Variants in SP140L observed in about 807,000 individuals in gnomAD.
The protein encoded by SP140L is SP140 like nuclear body protein, also known as nuclear body protein SP140-like protein.
In SP140L, 64 loss-of-function variants were observed where a neutral mutation model predicts 84.3. That is an observed-to-expected ratio of 0.76 (90% CI 0.62 to 0.94). The LOEUF (loss-of-function observed/expected upper bound fraction) is 0.94, where lower values mean the gene tolerates loss of function less well. Ranked by LOEUF, SP140L falls within the 40% of genes least tolerant of loss-of-function variation. The probability of loss-of-function intolerance (pLI) is 0.00; values close to 1 mark genes in which losing one functional copy is unlikely to be tolerated. For synonymous variants in SP140L, 242 were observed against 236.9 expected (o/e 1.02, Z -0.20); for missense variants, 628 against 692.5 (o/e 0.91, Z 1.05).
chr2:230,365,460 G>A (rs1241822058), intron 5 of SP140L, among the ~76,000 whole-genome samples: 1 of 151,786 alleles, frequency 6.6e-6, no homozygotes, highest in African/African-American at 2.4e-5. Flanking sequence ...ATGGTCCTTT[G>A]TATGTCTGTA....
chr2:230,334,715 G>GTATA (rs781403143), intron 2 of SP140L, among the ~76,000 whole-genome samples: 12 of 149,690 alleles, frequency 8.0e-5, no homozygotes, highest in South Asian at 4.2e-4. Context: ...AAAATTATAT[G>GTATA]TATATATATA....
At chr2:230,399,654 C>A (rs1274325284) in intron 14 of SP140L, among the ~76,000 whole-genome samples, 2 of 152,180 alleles carry the variant, frequency 1.3e-5, no homozygotes, top group Admixed American at 6.5e-5. Context: ...TAACTAGGCC[C>A]TGTCTTCAAC....
At chr2:230,343,128 GT>G (rs1238949903) in intron 2 of SP140L, among the ~76,000 whole-genome samples, 2 of 117,850 alleles carry the variant, frequency 1.7e-5, no homozygotes, top group Admixed American at 8.5e-5. Flanking sequence ...TGTGCAGGAT[GT>G]GCAGGTTTGT....
intron 2 of SP140L, among the ~76,000 whole-genome samples, chr2:230,336,434 G>A (rs769830842): frequency 2.9e-4 from 44 of 152,190 alleles, no homozygotes; most frequent in Non-Finnish European, 5.1e-4. Context: ...CTACCTGCAA[G>A]TAATTATGTC....
At chr2:230,339,857 G>A (rs1349813652) in intron 2 of SP140L, among the ~76,000 whole-genome samples, 1 of 147,096 alleles carries the variant, frequency 6.8e-6, no homozygotes, top group Non-Finnish European at 1.5e-5. Flanking sequence ...TGTGGTCTGA[G>A]AGATAGTTTG....
chr2:230,363,418 T>C (rs2060780224), intron 5 of SP140L, among the ~76,000 whole-genome samples: 1 of 152,196 alleles, frequency 6.6e-6, no homozygotes, highest in Non-Finnish European at 1.5e-5. Context: ...TGATTTGTGA[T>C]GCTGGGCATT....
chr2:230,337,896 A>G (rs868454952), intron 2 of SP140L, among the ~76,000 whole-genome samples: 39 of 152,008 alleles, frequency 2.6e-4, no homozygotes, highest in African/African-American at 9.2e-4. Flanking sequence ...TGGTTACTGT[A>G]GCCCTGTAGT....
At chr2:230,368,363 T>A (rs1174569652) in intron 5 of SP140L, among the ~76,000 whole-genome samples, 1 of 152,220 alleles carries the variant, frequency 6.6e-6, no homozygotes, top group African/African-American at 2.4e-5. Context: ...AACTCCCGTA[T>A]ATGTTATTTG....
intron 13 of SP140L, 51 bp from the exon 14 acceptor site, chr2:230,396,706 T>C (rs1434075984): frequency 8.8e-6 from 14 of 1,591,778 alleles, no homozygotes; most frequent in Non-Finnish European, 1.1e-5. Context: ...AAGTGATAGA[T>C]GGAAACAATG....
intron 7 of SP140L, chr2:230,372,173 G>A (rs1376453263): frequency 6.4e-6 from 1 of 156,744 alleles, no homozygotes; most frequent in African/African-American, 2.4e-5. Flanking sequence ...GACATAACTG[G>A]AAGATAATAT....
chr2:230,385,436 C>A, intron 9 of SP140L, 132 bp downstream of exon 9: 1 of 745,510 alleles, frequency 1.3e-6, no homozygotes, highest in Non-Finnish European at 2.2e-6. Flanking sequence ...ATCTAAAAAA[C>A]AGCAAACCCA....
At chr2:230,386,283 G>A (rs74894876) in intron 9 of SP140L, among the ~76,000 whole-genome samples, 1 of 152,080 alleles carries the variant, frequency 6.6e-6, no homozygotes, top group African/African-American at 2.4e-5. Flanking sequence ...TCTCAATTTT[G>A]CCAGTGAAAC....
intron 2 of SP140L, among the ~76,000 whole-genome samples, chr2:230,342,943 C>T (rs1156670180): frequency 6.6e-6 from 1 of 152,100 alleles, no homozygotes; most frequent in Non-Finnish European, 1.5e-5. Flanking sequence ...GCTTAGTTTG[C>T]CTTTCTTCAT....
chr2:230,396,008 A>G (rs2062030996), intron 13 of SP140L, among the ~76,000 whole-genome samples: 1 of 152,206 alleles, frequency 6.6e-6, no homozygotes. Context: ...GGACACTTTC[A>G]TGGCCTCCAG....
intron 9 of SP140L, among the ~76,000 whole-genome samples, chr2:230,388,029 A>C (rs2061657832): frequency 6.6e-6 from 1 of 152,174 alleles, no homozygotes. Flanking sequence ...GTTTCCCTTA[A>C]CTCACAGAAC....
intron 5 of SP140L, among the ~76,000 whole-genome samples, chr2:230,363,346 T>C (rs1457396830): frequency 6.6e-6 from 1 of 152,224 alleles, no homozygotes; most frequent in Non-Finnish European, 1.5e-5. Context: ...GTCTTTTTGA[T>C]AATAGCCATT....
At chr2:230,387,020 C>G (rs938932464) in intron 9 of SP140L, among the ~76,000 whole-genome samples, 5 of 152,142 alleles carry the variant, frequency 3.3e-5, no homozygotes, top group African/African-American at 1.2e-4. Context: ...TGGAGATGTC[C>G]TGGACTTCCA....
At chr2:230,373,188 G>T (rs2061141803) in intron 7 of SP140L, among the ~76,000 whole-genome samples, 1 of 152,264 alleles carries the variant, frequency 6.6e-6, no homozygotes, top group East Asian at 1.9e-4. Context: ...AGCAAATGCT[G>T]ATGTAGAAGC....
intron 2 of SP140L, among the ~76,000 whole-genome samples, chr2:230,330,548 G>A (rs1271355812): frequency 6.6e-6 from 1 of 152,178 alleles, no homozygotes; most frequent in Non-Finnish European, 1.5e-5. Flanking sequence ...AGATCAATTT[G>A]AAGAGAGCCG....
Sources: gnomAD v4.1 joint callset for allele counts (sites outside exome capture counted in the v4.1 genomes callset) on GRCh38, gnomAD v4.1.1 for gene constraint, MANE v1.5 for transcripts, NCBI Gene and HGNC (gene_info 2026-07-23, HGNC 2026-07-21) for gene names.